SNAP91: variants seen among roughly 807,000 people sequenced by gnomAD.
The protein encoded by SNAP91 is clathrin coat assembly protein AP180.
In SNAP91, 27 loss-of-function variants were observed where a neutral mutation model predicts 100.3. That is an observed-to-expected ratio of 0.27 (90% CI 0.20 to 0.37). The LOEUF is 0.37. Ranked by LOEUF, SNAP91 falls within the 10% of genes least tolerant of loss-of-function variation. SNAP91 has a pLI of 1.00. For synonymous variants in SNAP91, 404 were observed against 398.6 expected (o/e 1.01, Z -0.16); for missense variants, 986 against 1,123.7 (o/e 0.88, Z 1.75).
intron 11 of SNAP91, 70 bp from the exon 12 acceptor site, chr6:83,610,747 A>ATACATATATGTG (rs1562331860): frequency 1.5e-5 from 1 of 67,290 alleles, no homozygotes; most frequent in East Asian, 3.4e-4. Context: ...ATATATATAT[A>ATACATATATGTG]AATATATATG....
At chr6:83,611,106 G>C (rs1046291702) in intron 11 of SNAP91, among the ~76,000 whole-genome samples, 4 of 152,026 alleles carry the variant, frequency 2.6e-5, no homozygotes, top group Non-Finnish European at 5.9e-5. Context: ...ACACCCAGTG[G>C]TTTAAATCAC....
chr6:83,662,667 A>G (rs1397674121), intron 3 of SNAP91, among the ~76,000 whole-genome samples: 1 of 152,126 alleles, frequency 6.6e-6, no homozygotes. Flanking sequence ...TTCAGTAGGC[A>G]TCCTACATAA....
intron 7 of SNAP91, 94 bp downstream of exon 7, chr6:83,656,660 G>T: frequency 6.5e-6 from 3 of 458,732 alleles, no homozygotes; most frequent in East Asian, 3.7e-5. Context: ...ACACAATATT[G>T]CCCACCAAGT....
At chr6:83,679,682 T>C (rs2098960398) in intron 2 of SNAP91, among the ~76,000 whole-genome samples, 2 of 152,146 alleles carry the variant, frequency 1.3e-5, no homozygotes, top group African/African-American at 2.4e-5. Context: ...CGAGGAAAGA[T>C]CTTTCTGACA....
At chr6:83,554,655 C>A (rs538296958) in intron 29 of SNAP91, among the ~76,000 whole-genome samples, 1 of 152,226 alleles carries the variant, frequency 6.6e-6, no homozygotes, top group African/African-American at 2.4e-5. Flanking sequence ...GGGGGCATGG[C>A]AATGACCTTA....
chr6:83,594,435 C>G lies in SNAP91; in HGVS notation c.1371G>C (p.Gly457=), dbSNP rs1204897601. The G allele has an allele frequency of 1.3e-6, 2 of 1,551,620 alleles. No individual in the cohort carries two copies. The highest frequency in any genetic ancestry group is 1.7e-6 in the Non-Finnish European group (2 of 1,147,154). ...GGGTTGGGGTAGCTGGTGCGGCGGC[C>G]CCTTCGGATGCTGCAGGGGCCTCCC... ...SPGEAPAASE[G]AAAPATPTPV... Residue 457 remains glycine (G), a synonymous_variant, in exon 17 of 30, where the codon GGG becomes GGC. Transcript: ENST00000369694.
chr6:83,640,584 A>C (rs1184102804), intron 8 of SNAP91, among the ~76,000 whole-genome samples: 2 of 152,316 alleles, frequency 1.3e-5, no homozygotes, highest in East Asian at 3.9e-4. Context: ...ATCAAGTATA[A>C]AGACACATTC....
At chr6:83,649,737 T>TGCCTG (rs1442338719) in intron 7 of SNAP91, among the ~76,000 whole-genome samples, 1 of 151,106 alleles carries the variant, frequency 6.6e-6, no homozygotes, top group East Asian at 2.0e-4. Context: ...TGAGCCACCA[T>TGCCTG]GCCTGGCTTT....
chr6:83,679,511 G>A (rs1041064629), intron 2 of SNAP91, among the ~76,000 whole-genome samples: 2 of 152,106 alleles, frequency 1.3e-5, no homozygotes, highest in Non-Finnish European at 2.9e-5. Context: ...AAATTTTTCA[G>A]TAGGTCTACC....
chr6:83,613,238 T>A (rs1158085572), intron 11 of SNAP91, among the ~76,000 whole-genome samples: 2 of 152,176 alleles, frequency 1.3e-5, no homozygotes, highest in African/African-American at 4.8e-5. Context: ...TAATTCTCTA[T>A]CTTCTTCACT....
intron 7 of SNAP91, among the ~76,000 whole-genome samples, chr6:83,643,716 A>G (rs2097799775): frequency 6.6e-6 from 1 of 152,232 alleles, no homozygotes; most frequent in South Asian, 2.1e-4. Context: ...AGAACTAATT[A>G]TCAAGAGCAG....
chr6:83,557,905 C>A (rs973877028), intron 28 of SNAP91, among the ~76,000 whole-genome samples: 2 of 151,492 alleles, frequency 1.3e-5, no homozygotes, highest in Admixed American at 6.6e-5. Context: ...TCTGAAGCTA[C>A]AAACTCACAT....
At chr6:83,682,770 T>A (rs1398429783) in intron 2 of SNAP91, among the ~76,000 whole-genome samples, 1 of 139,372 alleles carries the variant, frequency 7.2e-6, no homozygotes. Context: ...AGTGTGATGT[T>A]CCCCTTCCTG....
chr6:83,661,476 T>C (rs2098542469), intron 5 of SNAP91, 26 bp downstream of exon 5: 6 of 1,409,434 alleles, frequency 4.3e-6, no homozygotes, highest in Non-Finnish European at 5.9e-6. Context: ...TCTCCTCTAA[T>C]AAATATAAGA....
chr6:83,595,003 TAC>T (rs775133971), intron 16 of SNAP91, among the ~76,000 whole-genome samples: 5 of 152,134 alleles, frequency 3.3e-5, no homozygotes, highest in Non-Finnish European at 7.4e-5. Flanking sequence ...CAGGCAAAAT[TAC>T]AGTGTTAACA....
In SNAP91 at chr6:83,665,285, G is replaced by A. The variant is rs78394361; in HGVS notation, c.273+154C>T. 9.1e-4 allele frequency among the ~76,000 whole-genome samples: 138 copies of A among 152,124 alleles called. 1 individual carries two copies. In the East Asian group the frequency reaches 0.024, roughly 26 times the overall value. ...TTATTTTTTGTTAACTAGCTAAGGA[G>A]AAGATTAAACTTGTATTCTAGATGA... On this transcript the variant is annotated intron_variant, in intron 3 of 29. Transcript: ENST00000369694.
intron 24 of SNAP91, among the ~76,000 whole-genome samples, chr6:83,578,360 A>G (rs1822757159): frequency 1.3e-5 from 2 of 152,146 alleles, no homozygotes; most frequent in African/African-American, 4.8e-5. Context: ...CAAGTTTTCC[A>G]TATCCTCATC....
intron 2 of SNAP91, among the ~76,000 whole-genome samples, chr6:83,693,117 A>G (rs1309007751): frequency 6.6e-6 from 1 of 152,202 alleles, no homozygotes; most frequent in East Asian, 1.9e-4. Context: ...GACAGAGAAC[A>G]AACAAAAATC....
chr6:83,670,703 T>C (rs1416382534), intron 2 of SNAP91, among the ~76,000 whole-genome samples: 1 of 151,984 alleles, frequency 6.6e-6, no homozygotes, highest in Non-Finnish European at 1.5e-5. Context: ...GTATGGATGT[T>C]TCATTTTTCT....
Sources: gnomAD v4.1 joint callset for allele counts (sites outside exome capture counted in the v4.1 genomes callset) on GRCh38, gnomAD v4.1.1 for gene constraint, MANE v1.5 for transcripts, NCBI Gene and HGNC (gene_info 2026-07-23, HGNC 2026-07-21) for gene names.